The following DNAH7 variants were observed in gnomAD, a reference collection of about 807,000 sequenced individuals.
DNAH7 encodes axonemal beta dynein heavy chain 7.
Under a neutral mutation model 444.6 loss-of-function variants are expected in DNAH7, and 397 were observed. That is an observed-to-expected ratio of 0.89 (90% CI 0.82 to 0.97). The LOEUF is 0.97. Ranked by LOEUF, DNAH7 falls within the 50% of genes least tolerant of loss-of-function variation. The probability of loss-of-function intolerance (pLI) is 0.00; values close to 1 mark genes in which losing one functional copy is unlikely to be tolerated. For synonymous variants in DNAH7, 1,636 were observed against 1,624.4 expected (o/e 1.01, Z -0.17); for missense variants, 4,902 against 4,800.8 (o/e 1.02, Z -0.62).
rs1435352362 is a variant in DNAH7 at position 195,816,790 on chromosome 2, C to A, written c.9599G>T (p.Arg3200Leu). The A allele has an allele frequency of 1.2e-6, 2 of 1,614,090 alleles. No individual in the cohort carries two copies. Among genetic ancestry groups the A allele is most frequent in the East Asian group, 2.2e-5 (1 of 44,856 alleles). The change falls in exon 51 of 65, where the codon CGC becomes CTC. Residue 3200 changes from arginine (R) to leucine (L), a missense_variant. Coordinates refer to ENST00000312428, the MANE Select transcript of DNAH7 (RefSeq NM_018897.3). The part of the protein sequence containing the change: ...EETEKKIDTT[R>L]MGYRPIAIHS... ...GATGGCAATAGGACGATAGCCCATG[C>A]GGGTGGTGTCAATCTTTTTCTCTGT... is the stretch of plus-strand genomic sequence containing the variant.
At chr2:195,900,797 G>C (rs1333055552) in intron 27 of DNAH7, 1 of 209,808 alleles carries the variant, frequency 4.8e-6, no homozygotes, top group African/African-American at 2.3e-5. Flanking sequence ...TAAAAGAGAA[G>C]AATTTGAATG....
chr2:195,970,924 A>G (rs866952959), intron 16 of DNAH7, among the ~76,000 whole-genome samples: 3 of 152,186 alleles, frequency 2.0e-5, no homozygotes, highest in Non-Finnish European at 2.9e-5. Flanking sequence ...CAGTGTGTGT[A>G]GTTTGTGGAA....
chr2:196,024,403 A>T (rs747012718), intron 8 of DNAH7, 26 bp downstream of exon 8: 1 of 1,495,282 alleles, frequency 6.7e-7, no homozygotes, highest in Non-Finnish European at 9.0e-7. Flanking sequence ...CATAATCAAC[A>T]TTCTTAGAGA....
intron 49 of DNAH7, among the ~76,000 whole-genome samples, chr2:195,818,766 G>A (rs184147182): frequency 6.6e-6 from 1 of 152,056 alleles, no homozygotes; most frequent in Admixed American, 6.6e-5. Flanking sequence ...CAATGAACCC[G>A]TAAGTCAATA....
In DNAH7 at chr2:195,853,397, G is replaced by A. The variant is rs926836368; in HGVS notation, c.8727C>T (p.Leu2909=). The part of the protein sequence containing the change: ...QLYINLTGDI[L]ISSGVVAYLG... ...GGTAAGCAACCACTCCGGAGGAAAT[G>A]AGGATATCCCCAGTCAAGTTGATGT... is the stretch of plus-strand genomic sequence containing the variant. The change falls in exon 46 of 65, where the codon CTC becomes CTT. Residue 2909 remains leucine (L), a synonymous_variant. Coordinates refer to ENST00000312428, the MANE Select transcript of DNAH7 (RefSeq NM_018897.3). 15 of 1,613,982 alleles carry A rather than the reference G, an allele frequency of 9.3e-6. No individual in the cohort carries two copies. The African/African-American group carries it at 1.6e-4, about 17-fold the overall frequency.
At chr2:195,932,321 T>A (rs141777532) in intron 21 of DNAH7, among the ~76,000 whole-genome samples, 5,141 of 152,278 alleles carry the variant, frequency 0.034, 262 homozygotes, top group African/African-American at 0.12. Context: ...GATTTTGGGC[T>A]GAGACAGTGG....
At chr2:195,810,287 G>A (rs1050459635) in intron 51 of DNAH7, among the ~76,000 whole-genome samples, 2 of 152,016 alleles carry the variant, frequency 1.3e-5, no homozygotes, top group Non-Finnish European at 2.9e-5. Context: ...ATTAAATTTA[G>A]TATTGTGCTA....
Position 195,858,748 on chromosome 2 carries a change from GCAGAATC to G in DNAH7, c.7786_7792del (p.Asp2596LeufsTer5), listed in dbSNP as rs1559153327. ...CTGCATTGTGGCTACTTGAGATGAA[GCAGAATC>G]CAGTTTCTCCAAACCCACTTCATAT... On this transcript the variant is annotated frameshift_variant, in exon 43 of 65. Coordinates refer to ENST00000312428, the MANE Select transcript of DNAH7 (RefSeq NM_018897.3). LOFTEE classifies it high-confidence loss of function. 2.5e-6 allele frequency: 4 copies of G among 1,613,770 alleles called. No individual in the cohort carries two copies. The East Asian group carries it at 8.9e-5, about 36-fold the overall frequency.
chr2:195,747,860 C>G (rs1393495987), intron 63 of DNAH7, among the ~76,000 whole-genome samples: 1 of 152,160 alleles, frequency 6.6e-6, no homozygotes, highest in African/African-American at 2.4e-5. Context: ...CTATCTATGA[C>G]AAACCCACAG....
chr2:195,936,650 A>C lies in DNAH7; in HGVS notation c.3221T>G (p.Leu1074Trp), dbSNP rs1226955148. 2.5e-6 allele frequency: 4 copies of C among 1,596,328 alleles called. No homozygotes were observed. The highest frequency in any genetic ancestry group is 2.3e-5 in the East Asian group (1 of 44,260). The change falls in exon 20 of 65, where the codon TTG (leucine) becomes TGG (tryptophan). Residue 1074 changes from leucine (L) to tryptophan (W), a missense_variant. Transcript: ENST00000312428. Reference protein sequence around the residue: ...KRLFFPRFFFLSNDELLEILS... With the variant: ...KRLFFPRFFFWSNDELLEILS... ...TATCTCAAGAAGTTCATCATTGGAC[A>C]AAAAAAAGAATCTGGGGAAAAAGAG...
intron 10 of DNAH7, among the ~76,000 whole-genome samples, chr2:196,011,918 GTAAT>G (rs1271026058): frequency 6.6e-6 from 1 of 152,048 alleles, no homozygotes; most frequent in Non-Finnish European, 1.5e-5. Flanking sequence ...TTTCTTCTCT[GTAAT>G]TAATTATGGG....
At chr2:196,019,455 T>C (rs1197501985) in intron 8 of DNAH7, among the ~76,000 whole-genome samples, 160 bp from the exon 9 acceptor site, 1 of 152,150 alleles carries the variant, frequency 6.6e-6, no homozygotes, top group Non-Finnish European at 1.5e-5. Flanking sequence ...ATAAAGATCA[T>C]ATGTTTTATG....
At chr2:195,786,285 AC>A (rs1325257236) in intron 58 of DNAH7, among the ~76,000 whole-genome samples, 1 of 152,242 alleles carries the variant, frequency 6.6e-6, no homozygotes, top group Admixed American at 6.5e-5. Flanking sequence ...TAGATTTCAA[AC>A]TAAATTTGAA....
intron 27 of DNAH7, chr2:195,901,352 A>G (rs1229463594): frequency 6.6e-6 from 1 of 152,202 alleles, no homozygotes; most frequent in Non-Finnish European, 1.5e-5. Context: ...AAACAGACAA[A>G]TTCCTGGCTT....
In DNAH7 at chr2:195,744,180, G is replaced by A. The variant is rs983907791; in HGVS notation, c.11765-3311C>T. On this transcript the variant is annotated intron_variant, in intron 63 of 64. Coordinates refer to ENST00000312428, the MANE Select transcript of DNAH7 (RefSeq NM_018897.3). Reference sequence around the variant, plus strand: ...CACCCTAATACTGCCCTTTTCTGACGGGCTTAAAAAACGGCGCACCAGGAG... The same window carrying A: ...CACCCTAATACTGCCCTTTTCTGACAGGCTTAAAAAACGGCGCACCAGGAG... Among the ~76,000 whole-genome samples, 7 of 152,362 alleles carry A rather than the reference G, an allele frequency of 4.6e-5. No homozygotes were observed. In the South Asian group the frequency reaches 1.0e-3, roughly 23 times the overall value.
In DNAH7 at chr2:195,960,848, C is replaced by T. The variant is rs370071352; in HGVS notation, c.2303G>A (p.Arg768His). 20 of 1,614,038 alleles carry T rather than the reference C, an allele frequency of 1.2e-5. No homozygotes were observed. The African/African-American group carries it at 1.3e-4, about 11-fold the overall frequency. ...AAATTCGACAGCAGTTTCATAAAGA[C>T]GAAGATAAGGGTTCAAGCCATCTTG... The part of the protein sequence containing the change: ...KIQDGLNPYL[R>H]LYETAVEFSS... Residue 768 changes from arginine to histidine, a missense_variant, in exon 18 of 65, where the codon CGT (arginine) becomes CAT (histidine). Transcript: ENST00000312428.
At chr2:196,045,190 A>T (rs1211050601) in intron 5 of DNAH7, among the ~76,000 whole-genome samples, 1 of 143,098 alleles carries the variant, frequency 7.0e-6, no homozygotes, top group Non-Finnish European at 1.5e-5. Context: ...AGAAGAGGAG[A>T]AGGAGGAGGA....
chr2:195,886,201 A>G lies in DNAH7; in HGVS notation c.5478T>C (p.Asp1826=). The G allele has an allele frequency of 6.2e-7, 1 of 1,613,992 alleles. No homozygotes were observed. The part of the protein sequence containing the change: ...LMNLIDCFMD[D]FADEVKLKER... ...CCTTTAGTTTGACTTCATCAGCAAA[A>G]TCATCCATAAAACAGTCTATTAGAT... Residue 1826 remains aspartate (D), a synonymous_variant, in exon 34 of 65, where the codon GAT becomes GAC. Coordinates refer to ENST00000312428, the MANE Select transcript of DNAH7 (RefSeq NM_018897.3).
At chr2:195,906,624 A>C (rs1574728349) in intron 27 of DNAH7, 35 bp downstream of exon 27, 7 of 1,588,698 alleles carry the variant, frequency 4.4e-6, no homozygotes, top group Middle Eastern at 3.4e-4. Flanking sequence ...TAAATTATAG[A>C]GAAGAAATAG....
Sources: gnomAD v4.1 joint callset for allele counts (sites outside exome capture counted in the v4.1 genomes callset) on GRCh38, gnomAD v4.1.1 for gene constraint, MANE v1.5 for transcripts, NCBI Gene and HGNC (gene_info 2026-07-23, HGNC 2026-07-21) for gene names.